PDS5A: variants seen among roughly 807,000 people sequenced by gnomAD.
PDS5A encodes PDS5 cohesin associated factor A, also known as sister chromatid cohesion protein PDS5 homolog A.
Under a neutral mutation model 167.1 loss-of-function variants are expected in PDS5A, and 42 were observed. That is an observed-to-expected ratio of 0.25 (90% confidence interval 0.20 to 0.33). PDS5A has a LOEUF of 0.33. Ranked by LOEUF, PDS5A falls within the 10% of genes least tolerant of loss-of-function variation. The pLI, the probability that PDS5A is intolerant of heterozygous loss-of-function variation, is 1.00. For synonymous variants in PDS5A, 553 were observed against 554.6 expected, an observed-to-expected ratio of 1.00 and a Z score of 0.04; for missense variants, 1,033 against 1,605.9, an observed-to-expected ratio of 0.64 and a Z score of 6.10.
intron 17 of PDS5A, among the ~76,000 whole-genome samples, chr4:39,889,504 T>A (rs1390745471): frequency 6.6e-6 from 1 of 152,204 alleles, no homozygotes; most frequent in Non-Finnish European, 1.5e-5. Context: ...CTAGGCTGTT[T>A]GGAAAAAGAA....
In PDS5A at chr4:39,900,416, A is replaced by G; in HGVS notation, c.1581+10T>C. On this transcript the variant is annotated intron_variant, in intron 14 of 32. Coordinates refer to ENST00000303538, the MANE Select transcript of PDS5A (RefSeq NM_001100399.2). ...AATAAACTATGAATTTAAACAAATC[A>G]TGAACCTACTGTAGGCTGCTTGTGC... 6.5e-7 allele frequency: 1 copy of G among 1,538,432 alleles called. No individual in the cohort carries two copies. The highest frequency in any genetic ancestry group is 1.4e-5 in the African/African-American group (1 of 73,798).
chr4:39,930,592 C>T (rs576320360), intron 2 of PDS5A, among the ~76,000 whole-genome samples: 1 of 152,094 alleles, frequency 6.6e-6, no homozygotes, highest in Non-Finnish European at 1.5e-5. Flanking sequence ...TTTGCTATTA[C>T]ATTATTTCTA....
intron 2 of PDS5A, among the ~76,000 whole-genome samples, chr4:39,952,880 C>T (rs559365446): frequency 6.6e-6 from 1 of 152,250 alleles, no homozygotes; most frequent in African/African-American, 2.4e-5. Context: ...AAGTGCCCAC[C>T]ACCATGCTTG....
At chr4:39,852,268 T>G (rs1283459931) in intron 26 of PDS5A, among the ~76,000 whole-genome samples, 2 of 152,168 alleles carry the variant, frequency 1.3e-5, no homozygotes, top group Non-Finnish European at 2.9e-5. Flanking sequence ...ATATAATAGA[T>G]ATTAAAACAG....
chr4:39,875,697 C>G lies in PDS5A; in HGVS notation c.2154-1285G>C, dbSNP rs148524842. ...ATTATGAGATAGGGATGTCCATGACCAAACAGACTTCCTTGACTGAGTATT... is the reference window on the plus strand; with the variant it reads ...ATTATGAGATAGGGATGTCCATGACGAAACAGACTTCCTTGACTGAGTATT... On this transcript the variant is annotated intron_variant, in intron 19 of 32. Coordinates refer to ENST00000303538, the MANE Select transcript of PDS5A (RefSeq NM_001100399.2). Among the ~76,000 whole-genome samples the G allele has an allele frequency of 9.5e-4, 144 of 152,246 alleles. 1 individual carries two copies. In the East Asian group the frequency reaches 0.021, roughly 22 times the overall value.
chr4:39,969,342 T>C (rs1730283533), intron 2 of PDS5A, among the ~76,000 whole-genome samples: 1 of 152,184 alleles, frequency 6.6e-6, no homozygotes, highest in Non-Finnish European at 1.5e-5. Context: ...ACTGTACCTA[T>C]GTTACCATCT....
intron 32 of PDS5A, among the ~76,000 whole-genome samples, chr4:39,827,069 C>T (rs745980745): frequency 3.3e-5 from 5 of 151,114 alleles, no homozygotes; most frequent in Non-Finnish European, 7.4e-5. Context: ...GGCATGATCT[C>T]GGCTCACCAC....
chr4:39,865,305 C>T (rs571154277), intron 23 of PDS5A, among the ~76,000 whole-genome samples: 1 of 152,266 alleles, frequency 6.6e-6, no homozygotes, highest in South Asian at 2.1e-4. Flanking sequence ...TATGCCTTTG[C>T]CATGTACTGT....
chr4:39,977,109 G>C lies in PDS5A; in HGVS notation c.-41+348C>G, dbSNP rs1029156662. 1.3e-5 allele frequency among the ~76,000 whole-genome samples: 2 copies of C among 152,172 alleles called. No homozygotes were observed. The highest frequency in any genetic ancestry group is 2.9e-5 in the Non-Finnish European group (2 of 68,002). On this transcript the variant is annotated intron_variant, in intron 1 of 32. Transcript: ENST00000303538. The surrounding 1 kb of genome is among the most constrained non-coding windows in gnomAD (Gnocchi z 4.2). ...GCCGGGAACAAAACGCCCTTGCCCA[G>C]CCGAGCCTCGGACCCGGGGTAGTCC...
chr4:39,839,965 G>A (rs1010669303), intron 31 of PDS5A, among the ~76,000 whole-genome samples: 22 of 151,780 alleles, frequency 1.4e-4, no homozygotes, highest in Middle Eastern at 3.2e-3. Flanking sequence ...ATGGTGGTGC[G>A]TGCCTGTAAT....
At chr4:39,907,673 G>A (rs796759424) in intron 11 of PDS5A, among the ~76,000 whole-genome samples, 6 of 150,322 alleles carry the variant, frequency 4.0e-5, no homozygotes, top group South Asian at 4.2e-4. Flanking sequence ...TGCAAGCTCC[G>A]CCTCCCGGGT....
At chr4:39,954,998 A>C (rs1302363822) in intron 2 of PDS5A, among the ~76,000 whole-genome samples, 1 of 151,914 alleles carries the variant, frequency 6.6e-6, no homozygotes. Context: ...CATGATCATG[A>C]AACTGAACGC....
chr4:39,849,112 A>T, intron 27 of PDS5A, 142 bp from the exon 28 acceptor site: 1 of 663,180 alleles, frequency 1.5e-6, no homozygotes, highest in Non-Finnish European at 2.5e-6. Context: ...ATTTCTGTTC[A>T]GCACTGTTTA....
intron 17 of PDS5A, among the ~76,000 whole-genome samples, chr4:39,884,081 AC>A (rs1468394082): frequency 6.6e-6 from 1 of 151,844 alleles, no homozygotes; most frequent in African/African-American, 2.4e-5. Flanking sequence ...GTTGCGTGCC[AC>A]CACGTCAGGC....
At chr4:39,913,248 T>C (rs1724054592) in intron 9 of PDS5A, among the ~76,000 whole-genome samples, 1 of 151,858 alleles carries the variant, frequency 6.6e-6, no homozygotes, top group African/African-American at 2.4e-5. Context: ...CCACCCCTGG[T>C]TAATTTTTGT....
intron 32 of PDS5A, among the ~76,000 whole-genome samples, chr4:39,834,272 T>C (rs1044691933): frequency 2.0e-5 from 3 of 151,930 alleles, no homozygotes; most frequent in African/African-American, 2.4e-5. Flanking sequence ...GTAAAGGTCA[T>C]GGCAATAGTT....
chr4:39,930,744 T>C (rs972234569), intron 2 of PDS5A, among the ~76,000 whole-genome samples: 4 of 152,164 alleles, frequency 2.6e-5, no homozygotes, highest in Non-Finnish European at 2.9e-5. Context: ...AAAAGTGTGA[T>C]AGTAAGACTG....
intron 26 of PDS5A, among the ~76,000 whole-genome samples, chr4:39,855,380 C>T (rs1718451244): frequency 2.0e-5 from 3 of 152,096 alleles, no homozygotes; most frequent in African/African-American, 7.2e-5. Flanking sequence ...GAGGAAGAAC[C>T]AGATTTTTAG....
At chr4:39,935,205 C>A (rs1726480083) in intron 2 of PDS5A, among the ~76,000 whole-genome samples, 1 of 152,168 alleles carries the variant, frequency 6.6e-6, no homozygotes, top group Non-Finnish European at 1.5e-5. Context: ...AATCTCGGCT[C>A]AATGCAACCT....
Sources: gnomAD v4.1 joint callset for allele counts (sites outside exome capture counted in the v4.1 genomes callset) on GRCh38, gnomAD v4.1.1 for gene constraint, Gnocchi (gnomAD v3.1) non-coding constraint, MANE v1.5 for transcripts, NCBI Gene and HGNC (gene_info 2026-07-23, HGNC 2026-07-21) for gene names.